FAT3: variants seen among roughly 807,000 people sequenced by gnomAD.
The protein encoded by FAT3 is FAT atypical cadherin 3, also known as protocadherin Fat 3.
A neutral mutation model predicts 310.2 loss-of-function variants in FAT3; 95 were observed. The observed-to-expected ratio is 0.31, with a 90% CI of 0.26 to 0.36. FAT3 has a LOEUF of 0.36. Among genes scored for constraint, FAT3 ranks in the 10% least tolerant of loss-of-function variants. The pLI is 1.00. For missense variants in FAT3, 5,408 were observed against 5,715.6 expected (o/e 0.95, Z 1.74); for synonymous variants, 2,314 against 2,192.9 (o/e 1.06, Z -1.54).
In FAT3 at chr11:92,837,767, C is replaced by G. The variant is rs1948443510; in HGVS notation, c.10329C>G (p.Ser3443Arg). 3 of 1,613,842 alleles carry G rather than the reference C, an allele frequency of 1.9e-6. No individual in the cohort carries two copies. In the South Asian group the frequency reaches 3.3e-5, roughly 18 times the overall value. ...NIDISDVNDN[S>R]PVFTPANYTA... is the part of the protein sequence containing the mutation. ...ATATTTCTGATGTGAATGACAACAG[C>G]CCGGTGTTTACACCTGCCAACTATA... is the stretch of plus-strand genomic sequence containing the variant. The change falls in exon 17 of 28, where the codon AGC becomes AGG. Residue 3443 changes from serine (S) to arginine (R), a missense_variant. Around this residue, in one of 5 missense-constraint regions of FAT3, gnomAD observed 4,588 missense variants for 4,809.8 expected, o/e 0.95. Transcript: ENST00000525166.
intron 1 of FAT3, among the ~76,000 whole-genome samples, chr11:92,315,095 A>G (rs1370209828): frequency 2.0e-5 from 3 of 151,912 alleles, no homozygotes. Context: ...TGAAATACAC[A>G]AACAAGTTGG....
chr11:92,358,188 A>G (rs1948784882), intron 2 of FAT3, among the ~76,000 whole-genome samples: 1 of 151,988 alleles, frequency 6.6e-6, no homozygotes, highest in Non-Finnish European at 1.5e-5. Flanking sequence ...AAAAAATAAT[A>G]ATTAAAAATA....
At chr11:92,737,930 T>A (rs1301123614) in intron 4 of FAT3, among the ~76,000 whole-genome samples, 1 of 152,092 alleles carries the variant, frequency 6.6e-6, no homozygotes, top group Non-Finnish European at 1.5e-5. Context: ...TCAAAAAAGA[T>A]ACCAGAAACA....
intron 13 of FAT3, among the ~76,000 whole-genome samples, chr11:92,813,893 A>T (rs1488400043): frequency 6.6e-6 from 1 of 152,228 alleles, no homozygotes; most frequent in African/African-American, 2.4e-5. Context: ...GTGTCCCTCT[A>T]AAATTCATAC....
In FAT3 at chr11:92,883,900, T is replaced by C. The variant is rs991906114; in HGVS notation, c.12937+507T>C. Among the ~76,000 whole-genome samples, 6 of 152,108 alleles carry C rather than the reference T, an allele frequency of 3.9e-5. No homozygotes were observed. The highest frequency in any genetic ancestry group is 2.6e-4 in the Admixed American group (4 of 15,270). On this transcript the variant is annotated intron_variant, in intron 24 of 27. Coordinates refer to ENST00000525166, the MANE Select transcript of FAT3 (RefSeq NM_001367949.2). This position sits in a 1 kb window ranked among gnomAD's most constrained non-coding sequence, Gnocchi z 4.2. ...AGACTTGAGAGAAGCAGAGGGACACTTCAATTGGACCATGATGAGTTAAAG... is the reference window on the plus strand; with the variant it reads ...AGACTTGAGAGAAGCAGAGGGACACCTCAATTGGACCATGATGAGTTAAAG...
chr11:92,578,173 T>A (rs143793048), intron 3 of FAT3, among the ~76,000 whole-genome samples: 10 of 151,954 alleles, frequency 6.6e-5, no homozygotes, highest in African/African-American at 2.4e-4. Flanking sequence ...AAAGTAACAA[T>A]TTGAGTTTTA....
At chr11:92,851,992 C>T (rs754298641) in intron 19 of FAT3, among the ~76,000 whole-genome samples, 2 of 152,040 alleles carry the variant, frequency 1.3e-5, no homozygotes, top group Non-Finnish European at 2.9e-5. Flanking sequence ...TTTCTAAAAG[C>T]GAGTTAACCC....
intron 21 of FAT3, among the ~76,000 whole-genome samples, chr11:92,861,525 G>C (rs1243064558): frequency 6.6e-6 from 1 of 152,176 alleles, no homozygotes; most frequent in Non-Finnish European, 1.5e-5. Context: ...CTTGGTAAAT[G>C]GAATTCTAAT....
At chr11:92,715,265 G>A (rs1207098638) in intron 4 of FAT3, among the ~76,000 whole-genome samples, 1 of 150,890 alleles carries the variant, frequency 6.6e-6, no homozygotes, top group Non-Finnish European at 1.5e-5. Context: ...AAAAATAGCT[G>A]GGTGTGGTGG....
intron 3 of FAT3, among the ~76,000 whole-genome samples, chr11:92,536,713 A>G (rs1954271042): frequency 6.6e-6 from 1 of 152,130 alleles, no homozygotes; most frequent in African/African-American, 2.4e-5. Flanking sequence ...GGTTCATTAC[A>G]TTTCATCTTG....
rs1239737012 is a variant in FAT3, at chr11:92,844,770, GA to G, written c.11365+39del. 5 of 1,458,752 alleles carry G rather than the reference GA, an allele frequency of 3.4e-6. No homozygotes were observed. In the South Asian group the frequency reaches 7.1e-5, roughly 21 times the overall value. 90.4% of individuals were successfully genotyped at this position (1,458,752 alleles called of 1,614,324 possible). On this transcript the variant is annotated intron_variant, in intron 19 of 27. Transcript: ENST00000525166. Reference sequence around the variant, plus strand: ...TTGAGTGTTCCCTCTCAACTCCTGAGATTGTAGGAGTAGAATGAGTTACCAT... The same window carrying G: ...TTGAGTGTTCCCTCTCAACTCCTGAGTTGTAGGAGTAGAATGAGTTACCAT...
chr11:92,549,707 G>A (rs1016587976), intron 3 of FAT3, among the ~76,000 whole-genome samples: 2 of 152,102 alleles, frequency 1.3e-5, no homozygotes, highest in Non-Finnish European at 2.9e-5. Flanking sequence ...ATCACTCCAA[G>A]TTTGTCATTG....
At chr11:92,400,715 A>G (rs1185343134) in intron 2 of FAT3, 1 of 152,050 alleles carries the variant, frequency 6.6e-6, no homozygotes, top group Non-Finnish European at 1.5e-5. Context: ...CCTAAATAGA[A>G]GGGAGATAAA....
In FAT3 at chr11:92,799,300, A is replaced by T; in HGVS notation, c.6287A>T (p.Asp2096Val). The change falls in exon 10 of 28, where the codon GAT (aspartate) becomes GTT (valine). Residue 2096 changes from aspartate to valine, a missense_variant. Asp to Val is a radical substitution (Grantham distance 152). Transcript: ENST00000525166. ...GLPYYAAVQV[D>V]AEPGTLIYQV... The stretch of plus-strand genomic sequence containing the variant: ...CCATACTATGCTGCTGTTCAAGTGG[A>T]TGCGGAACCCGGGACTCTGATTTAT... 6.2e-7 allele frequency: 1 copy of T among 1,613,962 alleles called. No individual in the cohort carries two copies. The highest frequency in any genetic ancestry group is 2.2e-5 in the East Asian group (1 of 44,854).
At chr11:92,399,922 C>CAG (rs1949971961) in intron 2 of FAT3, among the ~76,000 whole-genome samples, 1 of 152,266 alleles carries the variant, frequency 6.6e-6, no homozygotes, top group South Asian at 2.1e-4. Context: ...GCAATACAGA[C>CAG]AGAGTTGAGT....
At chr11:92,590,972 C>T (rs1939396531) in intron 3 of FAT3, among the ~76,000 whole-genome samples, 1 of 152,038 alleles carries the variant, frequency 6.6e-6, no homozygotes, top group Non-Finnish European at 1.5e-5. Context: ...CCATTTTCAC[C>T]ACTGGACAGA....
At chr11:92,346,434 T>A (rs1408592039) in intron 1 of FAT3, among the ~76,000 whole-genome samples, 2 of 152,186 alleles carry the variant, frequency 1.3e-5, no homozygotes, top group African/African-American at 4.8e-5. Context: ...CATGTCACCA[T>A]GCACAGGACC....
intron 3 of FAT3, among the ~76,000 whole-genome samples, chr11:92,574,360 C>T (rs1222303205): frequency 6.6e-6 from 1 of 152,106 alleles, no homozygotes; most frequent in Non-Finnish European, 1.5e-5. Flanking sequence ...CCCATGAATC[C>T]ACCCCCTCCA....
intron 1 of FAT3, among the ~76,000 whole-genome samples, chr11:92,239,621 G>A (rs770597001): frequency 6.6e-6 from 1 of 152,056 alleles, no homozygotes; most frequent in Non-Finnish European, 1.5e-5. Context: ...TGTTACTCCT[G>A]GGAATGGGCT....
Sources: allele counts gnomAD v4.1 joint callset (sites outside exome capture counted in the v4.1 genomes callset), GRCh38; gene constraint gnomAD v4.1.1; regional missense constraint gnomAD v4.1.1; non-coding constraint Gnocchi (gnomAD v3.1); transcripts MANE v1.5; gene names NCBI Gene and HGNC (gene_info 2026-07-23, HGNC 2026-07-21).